CNTNAP2: variants seen among roughly 807,000 people sequenced by gnomAD.
CNTNAP2 encodes the protein contactin associated protein 2.
Under a neutral mutation model 155.2 loss-of-function variants are expected in CNTNAP2, and 98 were observed. That is an observed-to-expected ratio of 0.63 (90% CI 0.54 to 0.75). The LOEUF is 0.75. CNTNAP2 is among the 30% of genes least tolerant of loss of function. The pLI, the probability that CNTNAP2 is intolerant of heterozygous loss-of-function variation, is 0.00. For synonymous variants in CNTNAP2, 651 were observed against 631.2 expected (o/e 1.03, Z -0.47); for missense variants, 1,727 against 1,688.1 (o/e 1.02, Z -0.40).
At chr7:147,614,633 C>T (rs1801247519) in intron 12 of CNTNAP2, among the ~76,000 whole-genome samples, 1 of 150,966 alleles carries the variant, frequency 6.6e-6, no homozygotes. Flanking sequence ...TTATGTTTTA[C>T]TTTCTTTTTC....
At chr7:146,370,259 TTAAAAAAAAAA>T (rs1237335186) in intron 1 of CNTNAP2, among the ~76,000 whole-genome samples, 1 of 117,832 alleles carries the variant, frequency 8.5e-6, no homozygotes, top group African/African-American at 4.5e-5. Context: ...CATCTCTACT[TTAAAAAAAAAA>T]AAAAAAAAAA....
intron 15 of CNTNAP2, among the ~76,000 whole-genome samples, chr7:148,005,189 C>T (rs1298704001): frequency 2.0e-5 from 3 of 152,126 alleles, no homozygotes; most frequent in African/African-American, 7.2e-5. Flanking sequence ...GGTGAGGGCA[C>T]TCGTCTCGGT....
At chr7:146,682,233 A>G (rs1356052556) in intron 1 of CNTNAP2, among the ~76,000 whole-genome samples, 2 of 152,094 alleles carry the variant, frequency 1.3e-5, no homozygotes, top group Non-Finnish European at 2.9e-5. Flanking sequence ...ATACGTATGT[A>G]TATGTATATA....
chr7:147,949,462 T>A (rs576938807), intron 14 of CNTNAP2, among the ~76,000 whole-genome samples: 8,707 of 90,698 alleles, frequency 0.096, 861 homozygotes, highest in African/African-American at 0.24. Context: ...ATATATATTT[T>A]TTTTTTTTAG....
At chr7:146,419,104 A>G (rs144312187) in intron 1 of CNTNAP2, among the ~76,000 whole-genome samples, 83 of 152,252 alleles carry the variant, frequency 5.5e-4, no homozygotes, top group African/African-American at 1.9e-3. Flanking sequence ...AAAGAAAAAG[A>G]GGTTCGGTGG....
chr7:148,178,857 A>G (rs2116699846), intron 18 of CNTNAP2, among the ~76,000 whole-genome samples: 1 of 152,292 alleles, frequency 6.6e-6, no homozygotes. Flanking sequence ...TTTTTACTTA[A>G]TTCATGTTGT....
intron 3 of CNTNAP2, among the ~76,000 whole-genome samples, chr7:147,004,522 G>A (rs946647781): frequency 2.6e-4 from 39 of 151,910 alleles, no homozygotes; most frequent in Non-Finnish European, 4.7e-4. Context: ...ATAAATTTCC[G>A]GAATACCAAA....
intron 13 of CNTNAP2, among the ~76,000 whole-genome samples, chr7:147,806,017 A>G (rs1798083832): frequency 6.6e-6 from 1 of 152,230 alleles, no homozygotes; most frequent in African/African-American, 2.4e-5. Context: ...ACATCAAGCT[A>G]AAAATCTCCA....
intron 1 of CNTNAP2, among the ~76,000 whole-genome samples, chr7:146,667,390 G>A (rs1003302802): frequency 6.6e-6 from 1 of 152,024 alleles, no homozygotes; most frequent in Non-Finnish European, 1.5e-5. Context: ...TGGCTTTGTA[G>A]TATATTTTTA....
intron 1 of CNTNAP2, among the ~76,000 whole-genome samples, chr7:146,641,213 G>C (rs1270474612): frequency 6.6e-6 from 1 of 152,164 alleles, no homozygotes; most frequent in Non-Finnish European, 1.5e-5. Flanking sequence ...TGTAGTCCCA[G>C]CTACTTGGGA....
chr7:148,276,577 G>A (rs117798084), intron 21 of CNTNAP2, among the ~76,000 whole-genome samples: 1,825 of 152,354 alleles, frequency 0.012, 20 homozygotes, highest in Non-Finnish European at 0.017. Context: ...GCGAATCGCA[G>A]TCAGTGGTTC....
chr7:147,813,841 G>T (rs1474015764), intron 13 of CNTNAP2, among the ~76,000 whole-genome samples: 1 of 152,124 alleles, frequency 6.6e-6, no homozygotes, highest in African/African-American at 2.4e-5. Flanking sequence ...AAGGAATCTG[G>T]TATGATGATG....
chr7:146,253,489 C>T (rs115194544), intron 1 of CNTNAP2, among the ~76,000 whole-genome samples: 2,042 of 152,354 alleles, frequency 0.013, 34 homozygotes, highest in African/African-American at 0.045. Flanking sequence ...AAGTCTTCCA[C>T]CCTTCCTCAG....
At chr7:147,967,822 A>AT (rs1400354181) in intron 14 of CNTNAP2, among the ~76,000 whole-genome samples, 1 of 152,182 alleles carries the variant, frequency 6.6e-6, no homozygotes, top group Non-Finnish European at 1.5e-5. Flanking sequence ...TAAGTCTTGT[A>AT]CCCCTTTCAC....
rs190040978 is a variant in CNTNAP2 at position 147,311,511 on chromosome 7, G to A, written c.1498+11221G>A. On this transcript the variant is annotated intron_variant, in intron 9 of 23. Transcript: ENST00000361727. ...TCAGACTGAGGGCAGTCCAGGCAGC[G>A]TGGCCTCAGCTGGTAAGCATCTGTG... 1.9e-3 allele frequency among the ~76,000 whole-genome samples: 288 copies of A among 152,208 alleles called. 1 individual carries two copies. The highest frequency in any genetic ancestry group is 3.1e-3 in the Non-Finnish European group (209 of 67,998).
intron 13 of CNTNAP2, among the ~76,000 whole-genome samples, chr7:147,811,413 A>C (rs897537482): frequency 6.6e-6 from 1 of 152,060 alleles, no homozygotes; most frequent in Admixed American, 6.6e-5. Flanking sequence ...CAGTATTTTT[A>C]AAGAAGAGCA....
intron 13 of CNTNAP2, among the ~76,000 whole-genome samples, chr7:147,902,338 T>A (rs1023507718): frequency 6.6e-6 from 1 of 152,234 alleles, no homozygotes; most frequent in Non-Finnish European, 1.5e-5. Flanking sequence ...AATTGTGATA[T>A]ATACTTTTGA....
At chr7:148,041,859 C>A (rs541136169) in intron 15 of CNTNAP2, among the ~76,000 whole-genome samples, 6 of 152,122 alleles carry the variant, frequency 3.9e-5, no homozygotes, top group African/African-American at 1.4e-4. Flanking sequence ...AGAACCTCCA[C>A]GGAATATATA....
intron 1 of CNTNAP2, among the ~76,000 whole-genome samples, chr7:146,460,700 T>C (rs1400821679): frequency 6.6e-6 from 1 of 152,222 alleles, no homozygotes; most frequent in Non-Finnish European, 1.5e-5. Flanking sequence ...GAGGATATTA[T>C]GCTAAGTGAA....
Sources: allele counts gnomAD v4.1 joint callset (sites outside exome capture counted in the v4.1 genomes callset), GRCh38; gene constraint gnomAD v4.1.1; transcripts MANE v1.5; gene names NCBI Gene and HGNC (gene_info 2026-07-23, HGNC 2026-07-21).